Variants in NAALADL2 observed in about 807,000 individuals in gnomAD.
NAALADL2 encodes inactive N-acetylated-alpha-linked acidic dipeptidase-like protein 2.
A neutral mutation model predicts 87.2 loss-of-function variants in NAALADL2; 76 were observed. The observed-to-expected ratio is 0.87, with a 90% CI of 0.72 to 1.05. The LOEUF (loss-of-function observed/expected upper bound fraction) is 1.05. Among genes scored for constraint, NAALADL2 ranks in the 50% least tolerant of loss-of-function variants. The pLI is 0.00. For missense variants in NAALADL2, 1,089 were observed against 945.8 expected, an observed-to-expected ratio of 1.15 and a Z score of -1.99; for synonymous variants, 354 against 331.0, an observed-to-expected ratio of 1.07 and a Z score of -0.75.
intron 9 of NAALADL2, among the ~76,000 whole-genome samples, chr3:175,547,432 T>G (rs75782014): frequency 0.024 from 3,667 of 152,154 alleles, 153 homozygotes; most frequent in African/African-American, 0.084. Context: ...GGCTAAAATG[T>G]GAAACCCAAA....
chr3:174,785,324 A>T (rs1056041309), intron 3 of NAALADL2, among the ~76,000 whole-genome samples: 2 of 152,152 alleles, frequency 1.3e-5, no homozygotes, highest in African/African-American at 4.8e-5. Flanking sequence ...CCCACTTATA[A>T]ATGAGAGCAT....
At chr3:174,553,068 A>G (rs892043905) in intron 2 of NAALADL2, among the ~76,000 whole-genome samples, 4 of 152,136 alleles carry the variant, frequency 2.6e-5, no homozygotes, top group African/African-American at 9.7e-5. Context: ...TATGGGTTTT[A>G]TATATCAGGT....
rs185083888 is a variant in NAALADL2 at position 175,206,405 on chromosome 3, C to A, written c.546-27526C>A. Among the ~76,000 whole-genome samples, 20 of 150,632 alleles carry A rather than the reference C, an allele frequency of 1.3e-4. No individual in the cohort carries two copies. The East Asian group carries it at 3.6e-3, about 27-fold the overall frequency. ...GCCATAAAAATGAATGAATTAACAG[C>A]ATTTGCAGCTACCTGGATGAGACTG... On this transcript the variant is annotated intron_variant, in intron 2 of 13. Transcript: ENST00000454872.
intron 5 of NAALADL2, among the ~76,000 whole-genome samples, chr3:175,368,067 C>A (rs373345454): frequency 6.6e-6 from 1 of 151,772 alleles, no homozygotes. Flanking sequence ...TAGCATGAAG[C>A]GTTGTTGAAT....
chr3:175,763,769 T>G (rs147584584), intron 13 of NAALADL2, among the ~76,000 whole-genome samples: 1 of 152,230 alleles, frequency 6.6e-6, no homozygotes, highest in African/African-American at 2.4e-5. Context: ...CTTTATTCTC[T>G]CTCCACATTT....
chr3:174,797,133 A>G (rs1718190774), intron 3 of NAALADL2, among the ~76,000 whole-genome samples: 1 of 151,944 alleles, frequency 6.6e-6, no homozygotes, highest in East Asian at 1.9e-4. Context: ...TCATTTTTGT[A>G]TATGGTGAGA....
At chr3:175,452,691 G>A (rs1465061290) in intron 6 of NAALADL2, among the ~76,000 whole-genome samples, 2 of 152,112 alleles carry the variant, frequency 1.3e-5, no homozygotes, top group Admixed American at 1.3e-4. Context: ...AGTGAACCTA[G>A]GAGTCTGAGG....
chr3:175,710,513 A>T (rs547392943), intron 11 of NAALADL2, among the ~76,000 whole-genome samples: 1 of 151,836 alleles, frequency 6.6e-6, no homozygotes, highest in South Asian at 2.1e-4. Context: ...TCTTCTCTGT[A>T]ACTATTTCTA....
chr3:174,457,273 A>G (rs1181809758), intron 1 of NAALADL2, among the ~76,000 whole-genome samples: 1 of 152,198 alleles, frequency 6.6e-6, no homozygotes, highest in Non-Finnish European at 1.5e-5. Context: ...AATTAGTTCA[A>G]CCATTGTAGA....
chr3:175,487,007 A>T (rs11923968), intron 9 of NAALADL2, among the ~76,000 whole-genome samples: 15,394 of 152,152 alleles, frequency 0.1, 942 homozygotes, highest in East Asian at 0.25. Flanking sequence ...ATTCTCAGCA[A>T]AGTAGCCAGT....
chr3:175,617,316 T>C (rs1373353962), intron 10 of NAALADL2, among the ~76,000 whole-genome samples: 2 of 152,046 alleles, frequency 1.3e-5, no homozygotes, highest in African/African-American at 4.8e-5. Context: ...GTCTGAACCA[T>C]TGGAGCTAGG....
At chr3:174,775,991 A>C (rs1715168217) in intron 3 of NAALADL2, among the ~76,000 whole-genome samples, 1 of 152,164 alleles carries the variant, frequency 6.6e-6, no homozygotes, top group Non-Finnish European at 1.5e-5. Context: ...AAAATGTCCT[A>C]CTATTGCATA....
intron 9 of NAALADL2, among the ~76,000 whole-genome samples, chr3:175,477,538 C>A (rs1725869819): frequency 6.6e-6 from 1 of 152,130 alleles, no homozygotes; most frequent in African/African-American, 2.4e-5. Context: ...CCAGAAATCA[C>A]TTAATTTACT....
At chr3:175,148,954 A>T (rs914183152) in intron 2 of NAALADL2, among the ~76,000 whole-genome samples, 5 of 152,148 alleles carry the variant, frequency 3.3e-5, no homozygotes, top group African/African-American at 4.8e-5. Context: ...TTCCATATGA[A>T]TGTTAGAAAA....
At chr3:175,681,076 G>T (rs1256046762) in intron 11 of NAALADL2, among the ~76,000 whole-genome samples, 3 of 152,142 alleles carry the variant, frequency 2.0e-5, no homozygotes, top group African/African-American at 4.8e-5. Flanking sequence ...TCGTGCCACT[G>T]CACTTCAGCC....
chr3:174,646,809 A>G (rs1161964736), intron 2 of NAALADL2, among the ~76,000 whole-genome samples: 2 of 152,138 alleles, frequency 1.3e-5, no homozygotes, highest in Non-Finnish European at 2.9e-5. Flanking sequence ...TCTGCCCTGA[A>G]TTCTTCATTT....
chr3:175,649,209 C>T (rs1311001514), intron 11 of NAALADL2, among the ~76,000 whole-genome samples: 1 of 152,020 alleles, frequency 6.6e-6, no homozygotes, highest in Non-Finnish European at 1.5e-5. Context: ...TCTCTTCAAT[C>T]CAAGACTACT....
intron 1 of NAALADL2, among the ~76,000 whole-genome samples, chr3:175,002,356 A>T (rs1409861359): frequency 5.9e-5 from 9 of 152,196 alleles, no homozygotes; most frequent in Admixed American, 1.3e-4. Flanking sequence ...TGACCACTAT[A>T]TATGACCTAA....
At chr3:175,592,307 C>CTTTTTTTTT (rs758914649) in intron 10 of NAALADL2, among the ~76,000 whole-genome samples, 2 of 43,244 alleles carry the variant, frequency 4.6e-5, no homozygotes, top group African/African-American at 9.6e-5. Context: ...TTTTTCTTTT[C>CTTTTTTTTT]TTTTTTTTTT....
Sources: allele counts gnomAD v4.1 joint callset (sites outside exome capture counted in the v4.1 genomes callset), GRCh38; gene constraint gnomAD v4.1.1; transcripts MANE v1.5; gene names NCBI Gene and HGNC (gene_info 2026-07-23, HGNC 2026-07-21).